Variants in CRCP observed in about 807,000 individuals in gnomAD.
The protein encoded by CRCP is DNA-directed RNA polymerase III subunit RPC9.
A neutral mutation model predicts 18.5 loss-of-function variants in CRCP; 18 were observed. The observed-to-expected ratio is 0.97, with a 90% CI of 0.67 to 1.44. CRCP has a LOEUF of 1.44. Ranked by LOEUF, CRCP falls within the 40% of genes most tolerant of loss-of-function variation. The pLI is 0.00. For synonymous variants in CRCP, 53 were observed against 62.9 expected, an observed-to-expected ratio of 0.84 and a Z score of 0.75; for missense variants, 130 against 176.4, an observed-to-expected ratio of 0.74 and a Z score of 1.49.
At chr7:66,131,772 T>C (rs544344688) in intron 3 of CRCP, among the ~76,000 whole-genome samples, 97 of 144,140 alleles carry the variant, frequency 6.7e-4, no homozygotes, top group South Asian at 1.1e-3. Context: ...ATCATTTTTC[T>C]TTTTTTTTTT....
upstream of CRCP, chr7:66,114,840 C>A (rs756844850): frequency 2.5e-6 from 4 of 1,593,750 alleles, no homozygotes; most frequent in East Asian, 6.8e-5. Context: ...TGCAGCGCGG[C>A]GATCCCGGCG....
At position 66,131,099 on chromosome 7, in the gene CRCP, C is replaced by T. The variant is rs560489587; in HGVS notation, c.144+257C>T. Among the ~76,000 whole-genome samples the T allele has an allele frequency of 1.2e-3, 185 of 152,178 alleles. 4 individuals are homozygous for T. The Middle Eastern group carries it at 0.024, about 20-fold the overall frequency. On this transcript the variant is annotated intron_variant, in intron 3 of 5. Coordinates refer to ENST00000395326, the MANE Select transcript of CRCP (RefSeq NM_014478.5). ...ATGCCATTCTTCTGCCTCAGCCTCCCGAGTAGCTGGGACTGCAGGCGCCCT... is the reference window on the plus strand; with the variant it reads ...ATGCCATTCTTCTGCCTCAGCCTCCTGAGTAGCTGGGACTGCAGGCGCCCT...
chr7:66,120,072 C>G (rs1787390118), intron 1 of CRCP, among the ~76,000 whole-genome samples: 1 of 151,810 alleles, frequency 6.6e-6, no homozygotes, highest in Admixed American at 6.6e-5. Context: ...GTCCCAGCTA[C>G]TATCGGGAGG....
At chr7:66,141,472 T>C (rs1041257555) in intron 4 of CRCP, among the ~76,000 whole-genome samples, 3 of 152,026 alleles carry the variant, frequency 2.0e-5, no homozygotes, top group Non-Finnish European at 4.4e-5. Flanking sequence ...TAGTGGTAGC[T>C]GAGATTTTGA....
intron 5 of CRCP, among the ~76,000 whole-genome samples, chr7:66,151,690 T>C (rs1788473378): frequency 6.6e-6 from 1 of 150,814 alleles, no homozygotes; most frequent in African/African-American, 2.4e-5. Context: ...TGTGTGTGTG[T>C]GTGTGTGTGT....
chr7:66,127,495 A>C (rs990069446), intron 1 of CRCP, among the ~76,000 whole-genome samples: 2 of 152,144 alleles, frequency 1.3e-5, no homozygotes, highest in Non-Finnish European at 2.9e-5. Flanking sequence ...GTGGGATGGG[A>C]CAGCACTTTG....
intron 3 of CRCP, among the ~76,000 whole-genome samples, chr7:66,132,789 A>G (rs898467766): frequency 8.6e-5 from 13 of 151,984 alleles, no homozygotes; most frequent in Non-Finnish European, 1.8e-4. Context: ...GGGCGCCTGT[A>G]GTCCCAGCTA....
chr7:66,139,443 A>G (rs1480112442), intron 4 of CRCP, among the ~76,000 whole-genome samples: 1 of 152,182 alleles, frequency 6.6e-6, no homozygotes, highest in Non-Finnish European at 1.5e-5. Flanking sequence ...GATAATTTTA[A>G]CATGTCATCA....
chr7:66,142,317 C>G (rs977545683), intron 4 of CRCP, among the ~76,000 whole-genome samples: 1 of 152,160 alleles, frequency 6.6e-6, no homozygotes, highest in Non-Finnish European at 1.5e-5. Context: ...CCATTCTCCA[C>G]TCTCCTTCCA....
rs1788522404 is a variant in CRCP at position 66,153,118 on chromosome 7, A to T, written c.*761A>T. 6.5e-6 allele frequency: 1 copy of T among 152,850 alleles called. No homozygotes were observed. Among genetic ancestry groups the T allele is most frequent in the Non-Finnish European group, 1.5e-5 (1 of 68,104 alleles). The allele number at this position is 152,850 out of a possible 1,614,324, so 9.5% of individuals were successfully genotyped here. The stretch of plus-strand genomic sequence containing the variant: ...AGACCAGGTAAGCCTCATTTGCACA[A>T]CAGTCAAATTGTTTGTTCCTTTAAA... On this transcript the variant is annotated 3_prime_UTR_variant, in exon 6 of 6. Transcript: ENST00000395326.
chr7:66,145,435 C>T lies in CRCP; in HGVS notation c.240-8C>T, dbSNP rs1349989568. 2 of 1,613,738 alleles carry T rather than the reference C, an allele frequency of 1.2e-6. No individual in the cohort carries two copies. Among genetic ancestry groups the T allele is most frequent in the Non-Finnish European group, 1.7e-6 (2 of 1,179,772 alleles). On this transcript the variant is annotated splice_region_variant and splice_polypyrimidine_tract_variant and intron_variant, in intron 4 of 5. Transcript: ENST00000395326. ...GCGAGTTGTCAACGCTGTACTTTCC[C>T]TCCACAGAGCTGAGAAGCTCCAGCT... is the stretch of plus-strand genomic sequence containing the variant.
intron 1 of CRCP, among the ~76,000 whole-genome samples, chr7:66,116,081 G>A (rs1787252429): frequency 6.6e-6 from 1 of 152,024 alleles, no homozygotes; most frequent in Non-Finnish European, 1.5e-5. Context: ...TTGCAGGCGT[G>A]AGCCACTTCA....
At chr7:66,118,412 G>T (rs554825834) in intron 1 of CRCP, among the ~76,000 whole-genome samples, 2 of 152,328 alleles carry the variant, frequency 1.3e-5, no homozygotes, top group African/African-American at 4.8e-5. Flanking sequence ...AATAATAAAT[G>T]TATGTTTACT....
chr7:66,122,955 CT>C (rs199515487), intron 1 of CRCP, among the ~76,000 whole-genome samples: 4,029 of 118,610 alleles, frequency 0.034, 78 homozygotes, highest in African/African-American at 0.089. Flanking sequence ...TTCTTTCTTT[CT>C]TTTTTTTTTT....
At chr7:66,130,569 A>C (rs1787768780) in intron 2 of CRCP, among the ~76,000 whole-genome samples, 175 bp from the exon 3 acceptor site, 1 of 152,208 alleles carries the variant, frequency 6.6e-6, no homozygotes, top group Non-Finnish European at 1.5e-5. Flanking sequence ...ACATTTTTTA[A>C]AAATGTAATA....
chr7:66,145,981 C>T (rs938892662), intron 5 of CRCP, among the ~76,000 whole-genome samples: 5 of 152,200 alleles, frequency 3.3e-5, no homozygotes, highest in Non-Finnish European at 7.3e-5. Context: ...ACCTGCAAGC[C>T]ATTCTCTTCC....
chr7:66,124,720 A>C (rs376797524), intron 1 of CRCP, among the ~76,000 whole-genome samples: 1 of 126,772 alleles, frequency 7.9e-6, no homozygotes. Flanking sequence ...CTTTCTCTCC[A>C]TACACAGGTG....
intron 1 of CRCP, among the ~76,000 whole-genome samples, chr7:66,126,413 G>T (rs1562761694): frequency 6.7e-6 from 1 of 149,140 alleles, no homozygotes; most frequent in Non-Finnish European, 1.5e-5. Flanking sequence ...GATTCTGCAT[G>T]ACCAGTTTCC....
intron 4 of CRCP, among the ~76,000 whole-genome samples, chr7:66,135,136 C>G (rs1192984754): frequency 6.6e-6 from 1 of 152,210 alleles, no homozygotes; most frequent in Non-Finnish European, 1.5e-5. Context: ...ACACCAAGAG[C>G]TGAGTATCAG....
Sources: gnomAD v4.1 joint callset for allele counts (sites outside exome capture counted in the v4.1 genomes callset) on GRCh38, gnomAD v4.1.1 for gene constraint, MANE v1.5 for transcripts, NCBI Gene and HGNC (gene_info 2026-07-23, HGNC 2026-07-21) for gene names.